Variants in CPVL observed in about 807,000 individuals in gnomAD.
CPVL encodes the protein carboxypeptidase vitellogenic like, also known as probable serine carboxypeptidase CPVL.
In CPVL, 51 loss-of-function variants were observed where a neutral mutation model predicts 63.7. The observed-to-expected ratio is 0.80, with a 90% confidence interval of 0.64 to 1.01. The LOEUF (loss-of-function observed/expected upper bound fraction) is 1.01, where lower values mean the gene tolerates loss of function less well. CPVL is among the 50% of genes least tolerant of loss of function. The pLI is 0.00. For synonymous variants in CPVL, 195 were observed against 206.0 expected, an observed-to-expected ratio of 0.95 and a Z score of 0.46; for missense variants, 530 against 573.1, an observed-to-expected ratio of 0.92 and a Z score of 0.77.
At chr7:29,141,067 C>T (rs1159451863) in intron 1 of CPVL, among the ~76,000 whole-genome samples, 2 of 152,124 alleles carry the variant, frequency 1.3e-5, no homozygotes, top group East Asian at 1.9e-4. Flanking sequence ...AATCAGAGGG[C>T]AGACATCCTG....
At chr7:29,020,661 ATGT>A (rs1311790609) in intron 12 of CPVL, among the ~76,000 whole-genome samples, 5 of 145,930 alleles carry the variant, frequency 3.4e-5, no homozygotes, top group South Asian at 4.4e-4. Flanking sequence ...CTAAAAATTC[ATGT>A]TGTTTTTAAA....
chr7:29,062,980 C>T (rs317712), intron 11 of CPVL, among the ~76,000 whole-genome samples: 76,775 of 151,960 alleles, frequency 0.51, 20,828 homozygotes, highest in Middle Eastern at 0.62. Context: ...GCCCTAGAGA[C>T]GATCCCTTGG....
intron 11 of CPVL, among the ~76,000 whole-genome samples, chr7:29,061,892 G>A (rs989663151): frequency 6.7e-6 from 1 of 150,294 alleles, no homozygotes; most frequent in South Asian, 2.1e-4. Flanking sequence ...GTTGCAGTGA[G>A]CCAGTCGCAC....
At chr7:29,011,812 G>A (rs1175908541) in intron 12 of CPVL, 1 of 152,208 alleles carries the variant, frequency 6.6e-6, no homozygotes, top group Admixed American at 6.5e-5. Flanking sequence ...TAATTTTAGT[G>A]ATAAGGATAA....
At chr7:29,100,380 C>T (rs1319803009) in intron 3 of CPVL, among the ~76,000 whole-genome samples, 1 of 152,146 alleles carries the variant, frequency 6.6e-6, no homozygotes, top group African/African-American at 2.4e-5. Context: ...GGGAGGAGGC[C>T]TCATCAGTCT....
chr7:29,046,085 CTT>C (rs1233373004), intron 11 of CPVL, among the ~76,000 whole-genome samples: 25 of 135,234 alleles, frequency 1.8e-4, no homozygotes, highest in Admixed American at 3.7e-4. Context: ...CTAGATGAAC[CTT>C]TTTTTTTTTT....
At chr7:29,194,543 G>A (rs866736279) in intron 1 of CPVL, 1 of 187,118 alleles carries the variant, frequency 5.3e-6, no homozygotes, top group South Asian at 1.8e-4. Flanking sequence ...CCCAGGAGAG[G>A]GTGCGGGAGC....
intron 7 of CPVL, chr7:29,082,650 C>T (rs1784849419): frequency 6.6e-6 from 1 of 152,198 alleles, no homozygotes; most frequent in Non-Finnish European, 1.5e-5. Flanking sequence ...CTCTACCTCA[C>T]ATCTTCCTTC....
intron 12 of CPVL, among the ~76,000 whole-genome samples, chr7:29,019,494 C>G (rs1281474704): frequency 6.6e-6 from 1 of 152,138 alleles, no homozygotes; most frequent in African/African-American, 2.4e-5. Context: ...CCGTACTGCT[C>G]CCCTAGGAGA....
intron 1 of CPVL, among the ~76,000 whole-genome samples, chr7:29,132,571 A>C (rs752005365): frequency 1.3e-5 from 2 of 152,134 alleles, no homozygotes; most frequent in Non-Finnish European, 2.9e-5. Flanking sequence ...TGTGAATCTG[A>C]GGATTGCTGG....
intron 12 of CPVL, among the ~76,000 whole-genome samples, chr7:29,003,142 G>A (rs1299047531): frequency 7.3e-6 from 1 of 136,088 alleles, no homozygotes; most frequent in Non-Finnish European, 1.6e-5. Context: ...TTACACTATA[G>A]TATGTGTATG....
At chr7:29,116,510 CCTT>C (rs1207636301) in intron 2 of CPVL, among the ~76,000 whole-genome samples, 3 of 152,172 alleles carry the variant, frequency 2.0e-5, no homozygotes, top group Non-Finnish European at 2.9e-5. Flanking sequence ...TTTACTTCCT[CCTT>C]GTTTTTTACT....
chr7:29,065,942 T>C (rs1783093051), intron 10 of CPVL, 81 bp downstream of exon 10: 1 of 773,194 alleles, frequency 1.3e-6, no homozygotes, highest in South Asian at 1.7e-5. Flanking sequence ...AAGTCATCTA[T>C]AATATTTCCC....
At chr7:29,072,859 G>A (rs1027194001) in intron 7 of CPVL, among the ~76,000 whole-genome samples, 2 of 152,304 alleles carry the variant, frequency 1.3e-5, no homozygotes, top group East Asian at 1.9e-4. Flanking sequence ...TAAAGGAATA[G>A]GAGAAGCAGA....
At chr7:29,176,030 C>G (rs1562809142) in intron 5 of CPVL, among the ~76,000 whole-genome samples, 2 of 151,836 alleles carry the variant, frequency 1.3e-5, no homozygotes, top group Non-Finnish European at 2.9e-5. Context: ...ACTAAAAATA[C>G]AAAAAATTAG....
At chr7:29,132,796 G>C (rs546308883) in intron 1 of CPVL, among the ~76,000 whole-genome samples, 1 of 152,154 alleles carries the variant, frequency 6.6e-6, no homozygotes, top group East Asian at 1.9e-4. Flanking sequence ...ATGGAATTTA[G>C]GTCTTATTCT....
intron 5 of CPVL, among the ~76,000 whole-genome samples, chr7:29,173,391 T>C (rs542340462): frequency 2.0e-5 from 3 of 152,090 alleles, no homozygotes; most frequent in Non-Finnish European, 4.4e-5. Context: ...GGTGGTGCTA[T>C]TAATAATACA....
chr7:29,048,216 C>A (rs991856406), intron 11 of CPVL, among the ~76,000 whole-genome samples: 4 of 152,130 alleles, frequency 2.6e-5, no homozygotes, highest in African/African-American at 9.7e-5. Flanking sequence ...CCTCATATCT[C>A]AATAGTAACA....
chr7:29,146,848 G>A, upstream of CPVL: 1 of 1,550,996 alleles, frequency 6.4e-7, no homozygotes, highest in Non-Finnish European at 8.7e-7. Context: ...CTGCACTCTA[G>A]GACTTACTTG....
Sources: gnomAD v4.1 joint callset for allele counts (sites outside exome capture counted in the v4.1 genomes callset) on GRCh38, gnomAD v4.1.1 for gene constraint, MANE v1.5 for transcripts, NCBI Gene and HGNC (gene_info 2026-07-23, HGNC 2026-07-21) for gene names.